Variants in IQCH observed in about 807,000 individuals in gnomAD.
IQCH encodes IQ motif containing H, also known as IQ domain-containing protein H.
A neutral mutation model predicts 117.0 loss-of-function variants in IQCH; 98 were observed. That is an observed-to-expected ratio of 0.84 (90% CI 0.71 to 0.99). IQCH has a LOEUF of 0.99. Ranked by LOEUF, IQCH falls within the 50% of genes least tolerant of loss-of-function variation. IQCH has a pLI of 0.00. For synonymous variants in IQCH, 412 were observed against 448.2 expected, an observed-to-expected ratio of 0.92 and a Z score of 1.02; for missense variants, 1,102 against 1,243.8, an observed-to-expected ratio of 0.89 and a Z score of 1.72.
At position 67,454,289 on chromosome 15, in the gene IQCH, G is replaced by A. The variant is rs981694903; in HGVS notation, c.2506-10838G>A. ...TGAGATGAACCCGGTACCTCAGTTG[G>A]AAATGCAGAAATCACCCGTCTTCTG... On this transcript the variant is annotated intron_variant, in intron 16 of 20. Transcript: ENST00000335894. This position sits in a 1 kb window ranked among gnomAD's most constrained non-coding sequence, Gnocchi z 5.2. 6.6e-6 allele frequency among the ~76,000 whole-genome samples: 1 copy of A among 152,200 alleles called. No individual in the cohort carries two copies. The highest frequency in any genetic ancestry group is 6.5e-5 in the Admixed American group (1 of 15,286).
At chr15:67,485,807 C>T (rs993856473) in intron 18 of IQCH, among the ~76,000 whole-genome samples, 13 of 149,790 alleles carry the variant, frequency 8.7e-5, no homozygotes, top group Admixed American at 4.7e-4. Context: ...TACAGGCACG[C>T]GCCACCATGC....
At chr15:67,483,597 T>C (rs549436364) in intron 18 of IQCH, among the ~76,000 whole-genome samples, 44 of 152,322 alleles carry the variant, frequency 2.9e-4, no homozygotes, top group Non-Finnish European at 6.3e-4. Flanking sequence ...CATTTACAAA[T>C]GTGTTAGGAA....
chr15:67,494,271 G>T lies in IQCH; in HGVS notation c.2875G>T (p.Asp959Tyr). ...HKLGMLTIGE[D>Y]LQGVLMTFAR... ...TATCATTAACAGAACAATCGGCGAG[G>T]ATCTCCAGGGGGTCCTCATGACCTT... is the stretch of plus-strand genomic sequence containing the variant. The change falls in exon 20 of 21, where the codon GAT becomes TAT. Residue 959 changes from aspartate (D) to tyrosine (Y), a missense_variant. Coordinates refer to ENST00000335894, the MANE Select transcript of IQCH (RefSeq NM_001031715.3). The surrounding 1 kb of genome is among the most constrained non-coding windows in gnomAD (Gnocchi z 5.5). The T allele has an allele frequency of 6.2e-7, 1 of 1,608,742 alleles. No individual in the cohort carries two copies. The highest frequency in any genetic ancestry group is 8.5e-7 in the Non-Finnish European group (1 of 1,178,540).
At chr15:67,344,345 AT>A (rs1327742494) in intron 6 of IQCH, among the ~76,000 whole-genome samples, 154 bp downstream of exon 6, 1 of 152,100 alleles carries the variant, frequency 6.6e-6, no homozygotes, top group Non-Finnish European at 1.5e-5. Flanking sequence ...ACAGTCAGCT[AT>A]TTCTTCTATA....
At chr15:67,267,859 G>T (rs1965739785) in intron 3 of IQCH, among the ~76,000 whole-genome samples, 1 of 152,128 alleles carries the variant, frequency 6.6e-6, no homozygotes, top group Non-Finnish European at 1.5e-5. Flanking sequence ...AAAGATTTTA[G>T]AACAGATATG....
chr15:67,488,286 T>G (rs1218040374), intron 18 of IQCH, among the ~76,000 whole-genome samples: 3 of 152,074 alleles, frequency 2.0e-5, no homozygotes. Flanking sequence ...GCCACTGAAC[T>G]CCAACCTGGG....
chr15:67,307,392 ATCTC>A (rs898832995), intron 4 of IQCH, among the ~76,000 whole-genome samples: 2 of 150,714 alleles, frequency 1.3e-5, no homozygotes, highest in African/African-American at 4.9e-5. Context: ...GTACATAGTA[ATCTC>A]TCTCTCACTG....
rs896294112 is a variant in IQCH, at chr15:67,472,197, G to A, written c.2677-3499G>A. On this transcript the variant is annotated intron_variant, in intron 17 of 20. Transcript: ENST00000335894. This position sits in a 1 kb window ranked among gnomAD's most constrained non-coding sequence, Gnocchi z 4.3. ...TAGAACAGTCACTAACTGGCGAGGA[G>A]GGGAGGACGTCCCCTAGCAGATGGG... Among the ~76,000 whole-genome samples, 1 of 152,184 alleles carries A rather than the reference G, an allele frequency of 6.6e-6. No homozygotes were observed. The highest frequency in any genetic ancestry group is 2.1e-4 in the South Asian group (1 of 4,828).
chr15:67,297,821 C>CA (rs1404367166), intron 4 of IQCH, among the ~76,000 whole-genome samples: 1 of 151,904 alleles, frequency 6.6e-6, no homozygotes, highest in Non-Finnish European at 1.5e-5. Context: ...GCAAACAAAG[C>CA]AAAAATGGAC....
At chr15:67,289,680 G>A (rs570211924) in intron 4 of IQCH, among the ~76,000 whole-genome samples, 5 of 152,224 alleles carry the variant, frequency 3.3e-5, no homozygotes, top group East Asian at 1.9e-4. Flanking sequence ...GTACCTACAC[G>A]TAGTATGGAG....
At position 67,345,654 on chromosome 15, in the gene IQCH, A is replaced by G. The variant is rs550501132; in HGVS notation, c.637+1463A>G. Among the ~76,000 whole-genome samples the G allele has an allele frequency of 7.2e-5, 11 of 152,308 alleles. No individual in the cohort carries two copies. In the South Asian group the frequency reaches 2.3e-3, roughly 32 times the overall value. On this transcript the variant is annotated intron_variant, in intron 6 of 20. Coordinates refer to ENST00000335894, the MANE Select transcript of IQCH (RefSeq NM_001031715.3). ...ACAAAATACCTGACCATACTCCTCA[A>G]TACTGTCACGGTCATGAAAACAGGG...
intron 5 of IQCH, among the ~76,000 whole-genome samples, chr15:67,339,769 C>T (rs181090802): frequency 2.6e-5 from 4 of 152,274 alleles, no homozygotes; most frequent in African/African-American, 9.6e-5. Context: ...TAGGTTTGGC[C>T]TGATAATTTA....
At chr15:67,350,463 G>C (rs528621435) in intron 6 of IQCH, among the ~76,000 whole-genome samples, 1 of 152,220 alleles carries the variant, frequency 6.6e-6, no homozygotes, top group South Asian at 2.1e-4. Context: ...GTCTCGCTCT[G>C]TTGCCCAGGT....
intron 18 of IQCH, among the ~76,000 whole-genome samples, chr15:67,486,092 G>A (rs6494662): frequency 0.85 from 118,321 of 138,468 alleles, 50,517 homozygotes; most frequent in Middle Eastern, 0.89. Context: ...CCGGGCTGGC[G>A]TGATCTCGGC....
chr15:67,297,169 G>A (rs1966857688), intron 4 of IQCH, among the ~76,000 whole-genome samples: 1 of 152,014 alleles, frequency 6.6e-6, no homozygotes, highest in African/African-American at 2.4e-5. Context: ...GAGATAAGAG[G>A]GGAGGTAATA....
In IQCH at chr15:67,465,857, C is replaced by A. The variant is rs527711992; in HGVS notation, c.2676+560C>A. Among the ~76,000 whole-genome samples the A allele has an allele frequency of 9.2e-5, 14 of 152,332 alleles. No homozygotes were observed. The South Asian group carries it at 1.0e-3, about 11-fold the overall frequency. On this transcript the variant is annotated intron_variant, in intron 17 of 20. Transcript: ENST00000335894. This position sits in a 1 kb window ranked among gnomAD's most constrained non-coding sequence, Gnocchi z 5.9. ...CACTAACCTGACCCCTCCTCTCTCTCCACAAAGATAGTGTCTTAGTGTCGG... is the reference window on the plus strand; with the variant it reads ...CACTAACCTGACCCCTCCTCTCTCTACACAAAGATAGTGTCTTAGTGTCGG...
rs11629488 is a variant in IQCH, at chr15:67,321,703, C to T, written c.388-15272C>T. Among the ~76,000 whole-genome samples the T allele has an allele frequency of 5.5e-3, 843 of 152,092 alleles. 11 individuals carry two copies. The highest frequency in any genetic ancestry group is 9.1e-3 in the Non-Finnish European group (620 of 67,994). On this transcript the variant is annotated intron_variant, in intron 4 of 20. Transcript: ENST00000335894. ...GGCAGCAGGGTGCCTTGGCTTTTAT[C>T]AGAAGCCAAATGGCTACACTGTTTT...
At chr15:67,289,129 G>A (rs551639111) in intron 4 of IQCH, among the ~76,000 whole-genome samples, 8 of 152,190 alleles carry the variant, frequency 5.3e-5, no homozygotes, top group African/African-American at 1.9e-4. Context: ...GATAAAGGAA[G>A]GCTAGATAAT....
chr15:67,274,259 C>A (rs1966030118), intron 3 of IQCH, among the ~76,000 whole-genome samples: 1 of 152,066 alleles, frequency 6.6e-6, no homozygotes, highest in African/African-American at 2.4e-5. Context: ...AGCTTTCTAC[C>A]CCTTACTCTT....
Sources: allele counts gnomAD v4.1 joint callset (sites outside exome capture counted in the v4.1 genomes callset), GRCh38; gene constraint gnomAD v4.1.1; non-coding constraint Gnocchi (gnomAD v3.1); transcripts MANE v1.5; gene names NCBI Gene and HGNC (gene_info 2026-07-23, HGNC 2026-07-21).